DLGAP2: variants seen among roughly 807,000 people sequenced by gnomAD.
DLGAP2 encodes the protein DLG associated protein 2.
In DLGAP2, 26 loss-of-function variants were observed where a neutral mutation model predicts 100.3. The observed-to-expected ratio is 0.26, with a 90% CI of 0.19 to 0.36. The LOEUF is 0.36. DLGAP2 is among the 10% of genes least tolerant of loss of function. The pLI, the probability that DLGAP2 is intolerant of heterozygous loss-of-function variation, is 1.00. For synonymous variants in DLGAP2, 886 were observed against 630.1 expected, an observed-to-expected ratio of 1.41 and a Z score of -6.08; for missense variants, 1,858 against 1,453.2, an observed-to-expected ratio of 1.28 and a Z score of -4.53.
chr8:994,923 C>A (rs1241981106), intron 2 of DLGAP2, among the ~76,000 whole-genome samples: 1 of 152,096 alleles, frequency 6.6e-6, no homozygotes, highest in East Asian at 1.9e-4. Flanking sequence ...TAAGGAAAAT[C>A]GGACAACGGT....
chr8:1,071,397 A>C (rs1803426737), intron 2 of DLGAP2, among the ~76,000 whole-genome samples: 1 of 152,036 alleles, frequency 6.6e-6, no homozygotes, highest in South Asian at 2.1e-4. Context: ...CTCCAGCACC[A>C]CCCTGGATGA....
At chr8:1,360,857 A>G (rs1461506620) in intron 3 of DLGAP2, among the ~76,000 whole-genome samples, 1 of 152,178 alleles carries the variant, frequency 6.6e-6, no homozygotes, top group African/African-American at 2.4e-5. Context: ...CGACGGTGAG[A>G]TCCAGACAGA....
rs79254576 is a variant in DLGAP2 at position 910,031 on chromosome 8, G to C, written c.73+2065G>C. ...AGTTTTCGCAGTTTCTCATTAAGGA[G>C]ATTAACTTTGGAATGGGCACCAAGT... is the stretch of plus-strand genomic sequence containing the variant. On this transcript the variant is annotated intron_variant, in intron 2 of 14. Coordinates refer to ENST00000637795, the MANE Select transcript of DLGAP2 (RefSeq NM_001346810.2). Among the ~76,000 whole-genome samples the C allele has an allele frequency of 3.6e-3, 541 of 152,326 alleles. 5 individuals are homozygous for C. Among genetic ancestry groups the C allele is most frequent in the African/African-American group, 0.012 (517 of 41,576 alleles).
At chr8:786,101 G>A (rs958398035) in intron 1 of DLGAP2, among the ~76,000 whole-genome samples, 22 of 152,226 alleles carry the variant, frequency 1.4e-4, no homozygotes, top group Non-Finnish European at 2.5e-4. Flanking sequence ...AAGCCCCTTT[G>A]CGAAACACCC....
At chr8:1,179,657 C>G (rs188211715) in intron 2 of DLGAP2, among the ~76,000 whole-genome samples, 8 of 152,316 alleles carry the variant, frequency 5.3e-5, no homozygotes, top group Admixed American at 3.9e-4. Flanking sequence ...GTATTGCAAT[C>G]CTAATTTGTG....
At chr8:960,252 T>TTTTTTTTTTTTTTTTTTTTTG (rs369284313) in intron 2 of DLGAP2, among the ~76,000 whole-genome samples, 3 of 142,018 alleles carry the variant, frequency 2.1e-5, no homozygotes, top group Non-Finnish European at 3.0e-5. Flanking sequence ...TTTTTTTTTT[T>TTTTTTTTTTTTTTTTTTTTTG]CCCGAGACAC....
chr8:1,038,820 T>C (rs1369860014), intron 2 of DLGAP2, among the ~76,000 whole-genome samples: 1 of 152,194 alleles, frequency 6.6e-6, no homozygotes, highest in African/African-American at 2.4e-5. Flanking sequence ...CATGGAAACA[T>C]CCATGTTTTT....
intron 1 of DLGAP2, among the ~76,000 whole-genome samples, chr8:789,939 A>AG (rs1457861733): frequency 6.6e-6 from 1 of 152,208 alleles, no homozygotes; most frequent in Non-Finnish European, 1.5e-5. Flanking sequence ...ACTGTGCTTA[A>AG]GGTTTCTGAT....
At chr8:1,517,856 G>T (rs1354942388) in intron 4 of DLGAP2, among the ~76,000 whole-genome samples, 3 of 152,208 alleles carry the variant, frequency 2.0e-5, no homozygotes. Context: ...GGCCCTGGGG[G>T]CAGGGTCATG....
At chr8:1,466,043 G>A (rs553265309) in intron 3 of DLGAP2, among the ~76,000 whole-genome samples, 3 of 152,278 alleles carry the variant, frequency 2.0e-5, no homozygotes, top group East Asian at 1.9e-4. Context: ...GGCGAAAGCC[G>A]GTTGCATCCA....
chr8:1,115,980 A>G (rs982527299), intron 2 of DLGAP2, among the ~76,000 whole-genome samples: 1 of 152,196 alleles, frequency 6.6e-6, no homozygotes, highest in Non-Finnish European at 1.5e-5. Context: ...ATCAGTGCCC[A>G]GGAAACGATC....
chr8:1,110,581 GGTCTTCAGTGT>G (rs1804922466), intron 2 of DLGAP2, among the ~76,000 whole-genome samples: 1 of 152,066 alleles, frequency 6.6e-6, no homozygotes, highest in Admixed American at 6.6e-5. Context: ...AGTGTGCATG[GGTCTTCAGTGT>G]GTCTGCATCT....
In DLGAP2 at chr8:1,676,529, T is replaced by A; in HGVS notation, c.2203-4T>A. ...CTAAAATAAGACGTTCTCTGTTGAA[T>A]TAGGTGGAAACGGCCACAGATTCTG... On this transcript the variant is annotated splice_polypyrimidine_tract_variant and splice_region_variant and intron_variant, in intron 10 of 14. Transcript: ENST00000637795. 1 of 1,612,498 alleles carries A rather than the reference T, an allele frequency of 6.2e-7. No individual in the cohort carries two copies. The highest frequency in any genetic ancestry group is 8.5e-7 in the Non-Finnish European group (1 of 1,179,322).
At position 1,163,665 on chromosome 8, in the gene DLGAP2, G is replaced by T. The variant is rs930588902; in HGVS notation, c.74-95186G>T. Among the ~76,000 whole-genome samples the T allele has an allele frequency of 3.9e-5, 6 of 152,288 alleles. No individual in the cohort carries two copies. In the East Asian group the frequency reaches 1.2e-3, roughly 30 times the overall value. On this transcript the variant is annotated intron_variant, in intron 2 of 14. Coordinates refer to ENST00000637795, the MANE Select transcript of DLGAP2 (RefSeq NM_001346810.2). ...CAGGCGGCCGCCTGGGGAGGGCCGG[G>T]GATCGAGAAAACGCTTCAGGAGCTG...
chr8:1,424,498 A>G (rs944704885), intron 3 of DLGAP2, among the ~76,000 whole-genome samples: 10 of 152,240 alleles, frequency 6.6e-5, no homozygotes, highest in African/African-American at 2.2e-4. Context: ...CATAGAAAGG[A>G]AGGAAATTCT....
At chr8:942,045 G>T (rs780029469) in intron 2 of DLGAP2, among the ~76,000 whole-genome samples, 2 of 152,038 alleles carry the variant, frequency 1.3e-5, no homozygotes, top group Non-Finnish European at 2.9e-5. Context: ...GGCTGGTCTC[G>T]AATTCTAGGC....
At chr8:822,921 C>G (rs1157809315) in intron 1 of DLGAP2, among the ~76,000 whole-genome samples, 7 of 152,170 alleles carry the variant, frequency 4.6e-5, no homozygotes. Context: ...TGTCAGTTTA[C>G]CTGCCCCAGT....
chr8:1,165,059 C>G (rs764314593), intron 2 of DLGAP2, among the ~76,000 whole-genome samples: 4 of 151,914 alleles, frequency 2.6e-5, no homozygotes, highest in Non-Finnish European at 5.9e-5. Flanking sequence ...TAAAGATTCT[C>G]CTCCCTCTGG....
chr8:1,380,778 C>T (rs1013264620), intron 3 of DLGAP2, among the ~76,000 whole-genome samples: 11 of 151,400 alleles, frequency 7.3e-5, no homozygotes, highest in Non-Finnish European at 1.0e-4. Context: ...ATAGCTATTT[C>T]GAAAAAAGTG....
Sources: gnomAD v4.1 joint callset for allele counts (sites outside exome capture counted in the v4.1 genomes callset) on GRCh38, gnomAD v4.1.1 for gene constraint, MANE v1.5 for transcripts, NCBI Gene and HGNC (gene_info 2026-07-23, HGNC 2026-07-21) for gene names.